TRIM26: variants seen among roughly 807,000 people sequenced by gnomAD.
The protein encoded by TRIM26 is tripartite motif containing 26, also known as tripartite motif-containing protein 26.
Under a neutral mutation model 45.5 loss-of-function variants are expected in TRIM26, and 16 were observed. The ratio of observed to expected loss-of-function variants is 0.35; its 90% CI spans 0.24 to 0.53. The LOEUF is 0.53. Among genes scored for constraint, TRIM26 ranks in the 20% least tolerant of loss-of-function variants. The pLI, the probability that TRIM26 is intolerant of heterozygous loss-of-function variation, is 0.92. For missense variants in TRIM26, 442 were observed against 691.1 expected (o/e 0.64, Z 4.04); for synonymous variants, 273 against 290.4 (o/e 0.94, Z 0.61).
Position 30,196,413 on chromosome 6 carries a change from G to A in TRIM26, c.765+103C>T. ...GGATTATCATCTCCATGTTTCAGATGACAAAACTGAGCCCCCAAGTCTTCT... is the reference window on the plus strand; with the variant it reads ...GGATTATCATCTCCATGTTTCAGATAACAAAACTGAGCCCCCAAGTCTTCT... On this transcript the variant is annotated intron_variant, in intron 6 of 9. Coordinates refer to ENST00000454678, the MANE Select transcript of TRIM26 (RefSeq NM_003449.5). The surrounding 1 kb of genome is among the most constrained non-coding windows in gnomAD (Gnocchi z 4.9). 8.9e-7 allele frequency: 1 copy of A among 1,126,468 alleles called. No homozygotes were observed. Among genetic ancestry groups the A allele is most frequent in the South Asian group, 1.4e-5 (1 of 69,254 alleles). 69.8% of individuals were successfully genotyped at this position (1,126,468 alleles called of 1,614,324 possible).
intron 1 of TRIM26, among the ~76,000 whole-genome samples, chr6:30,206,493 G>T (rs1433889437): frequency 6.6e-6 from 1 of 152,282 alleles, no homozygotes; most frequent in Non-Finnish European, 1.5e-5. Flanking sequence ...GCGTTAAATT[G>T]CCCTGGTCTT....
rs139037559 is a variant in TRIM26 at position 30,191,360 on chromosome 6, T to C, written c.766-1325A>G. ...ACTCATTCCACAAATATTTATTAAG[T>C]GCTTCCTAGGTACCAGGCACTCATC... On this transcript the variant is annotated intron_variant, in intron 6 of 9. Transcript: ENST00000454678. Among the ~76,000 whole-genome samples, 649 of 147,156 alleles carry C rather than the reference T, an allele frequency of 4.4e-3. 2 individuals are homozygous for C. Among genetic ancestry groups the C allele is most frequent in the African/African-American group, 0.011 (454 of 39,602 alleles).
chr6:30,210,799 C>A (rs972255183), intron 1 of TRIM26, among the ~76,000 whole-genome samples: 1 of 152,044 alleles, frequency 6.6e-6, no homozygotes, highest in Admixed American at 6.6e-5. Context: ...CTGTACTTAC[C>A]CTTCTTGTGA....
Position 30,196,113 on chromosome 6 carries a change from G to C in TRIM26, c.765+403C>G, listed in dbSNP as rs1160528161. 6.6e-6 allele frequency among the ~76,000 whole-genome samples: 1 copy of C among 152,152 alleles called. No individual in the cohort carries two copies. The highest frequency in any genetic ancestry group is 1.5e-5 in the Non-Finnish European group (1 of 68,040). ...ATCCTCTGGGTCTTTGAGAGGAGCT[G>C]CTGGTCAGCCCTCCCTCAGCCACCC... On this transcript the variant is annotated intron_variant, in intron 6 of 9. Transcript: ENST00000454678. This position sits in a 1 kb window ranked among gnomAD's most constrained non-coding sequence, Gnocchi z 4.9.
chr6:30,189,310 C>T lies in TRIM26; in HGVS notation c.904+108G>A, dbSNP rs1775558823. 2 of 1,573,564 alleles carry T rather than the reference C, an allele frequency of 1.3e-6. No homozygotes were observed. Among genetic ancestry groups the T allele is most frequent in the African/African-American group, 1.4e-5 (1 of 74,032 alleles). ...GGGATCCATGTCTAAGACAAGAGGC[C>T]CTCAGAAGAGTGAGGATCGACAAGG... is the stretch of plus-strand genomic sequence containing the variant. On this transcript the variant is annotated intron_variant, in intron 8 of 9. Coordinates refer to ENST00000454678, the MANE Select transcript of TRIM26 (RefSeq NM_003449.5). This position sits in a 1 kb window ranked among gnomAD's most constrained non-coding sequence, Gnocchi z 5.0.
Position 30,208,916 on chromosome 6 carries a change from G to C in TRIM26, c.-375-4151C>G, listed in dbSNP as rs996174793. Among the ~76,000 whole-genome samples, 153 of 136,076 alleles carry C rather than the reference G, an allele frequency of 1.1e-3. 1 individual carries two copies. The East Asian group carries it at 0.012, about 11-fold the overall frequency. The allele number at this position is 136,076 out of a possible 152,430, so 89.3% of individuals were successfully genotyped here. ...TGGGATATAGAATATGTGTGTGTGT[G>C]TGTGTGTGTGTGTGTGTGTGTGTGT... On this transcript the variant is annotated intron_variant, in intron 1 of 9. Transcript: ENST00000454678.
In TRIM26 at chr6:30,189,275, T is replaced by C; in HGVS notation, c.905-76A>G. 1 of 1,603,142 alleles carries C rather than the reference T, an allele frequency of 6.2e-7. No individual in the cohort carries two copies. The highest frequency in any genetic ancestry group is 1.1e-5 in the South Asian group (1 of 90,872). On this transcript the variant is annotated intron_variant, in intron 8 of 9. Transcript: ENST00000454678. This position sits in a 1 kb window ranked among gnomAD's most constrained non-coding sequence, Gnocchi z 5.0. The stretch of plus-strand genomic sequence containing the variant: ...CCATTTCTTGCTCGGGCAGTATCAA[T>C]TTCCTGATAGGGATCCATGTCTAAG...
At chr6:30,188,593 G>T in intron 9 of TRIM26, 1 of 232,476 alleles carries the variant, frequency 4.3e-6, no homozygotes, top group South Asian at 8.0e-5. Context: ...AAGCTCTCAG[G>T]GCCTCGTTTG....
rs144280749 is a variant in TRIM26, at chr6:30,206,216, T to C, written c.-375-1451A>G. On this transcript the variant is annotated intron_variant, in intron 1 of 9. Coordinates refer to ENST00000454678, the MANE Select transcript of TRIM26 (RefSeq NM_003449.5). The stretch of plus-strand genomic sequence containing the variant: ...AGAATTCGGGGCAAAAAGCAAGTGA[T>C]CTGGATGTGCATACTAGGAGTGACT... Among the ~76,000 whole-genome samples, 677 of 152,352 alleles carry C rather than the reference T, an allele frequency of 4.4e-3. 2 individuals are homozygous for C. Among genetic ancestry groups the C allele is most frequent in the African/African-American group, 0.011 (477 of 41,586 alleles).
chr6:30,192,244 G>A (rs1264996446), intron 6 of TRIM26, among the ~76,000 whole-genome samples: 1 of 152,210 alleles, frequency 6.6e-6, no homozygotes, highest in African/African-American at 2.4e-5. Flanking sequence ...ATGAGTCATG[G>A]CAAGCTCCCG....
intron 2 of TRIM26, among the ~76,000 whole-genome samples, chr6:30,202,426 G>A (rs1194308564): frequency 1.3e-5 from 2 of 152,182 alleles, no homozygotes; most frequent in African/African-American, 4.8e-5. Flanking sequence ...AAACTATTAG[G>A]TGAAAAGTTT....
rs747639061 is a variant in TRIM26, at chr6:30,198,528, T to A, written c.439-4A>T. The A allele has an allele frequency of 6.2e-7, 1 of 1,612,856 alleles. No individual in the cohort carries two copies. Among genetic ancestry groups the A allele is most frequent in the Non-Finnish European group, 8.5e-7 (1 of 1,179,936 alleles). On this transcript the variant is annotated splice_polypyrimidine_tract_variant and splice_region_variant and intron_variant, in intron 4 of 9. Coordinates refer to ENST00000454678, the MANE Select transcript of TRIM26 (RefSeq NM_003449.5). The surrounding 1 kb of genome is among the most constrained non-coding windows in gnomAD (Gnocchi z 6.3). ...TCAGGTGGTTCAGGATTTTTTCCTG[T>A]GGAAAAACAAGCAGTGGCAACAGGT...
chr6:30,206,928 G>A (rs937995824), intron 1 of TRIM26, among the ~76,000 whole-genome samples: 62 of 152,202 alleles, frequency 4.1e-4, no homozygotes, highest in Admixed American at 3.9e-3. Flanking sequence ...GCACTAGCAC[G>A]AGGTGGGGTG....
Position 30,186,951 on chromosome 6 carries a change from G to A in TRIM26, c.938-393C>T, listed in dbSNP as rs771002859. 2.0e-6 allele frequency: 1 copy of A among 498,630 alleles called. No homozygotes were observed. The highest frequency in any genetic ancestry group is 3.7e-6 in the Non-Finnish European group (1 of 272,904). 30.9% of individuals were successfully genotyped at this position (498,630 alleles called of 1,614,324 possible). On this transcript the variant is annotated intron_variant, in intron 9 of 9. Coordinates refer to ENST00000454678, the MANE Select transcript of TRIM26 (RefSeq NM_003449.5). This position sits in a 1 kb window ranked among gnomAD's most constrained non-coding sequence, Gnocchi z 7.4. ...ATTTTCTTCATAATCCAGAAAAAAA[G>A]TCCTCTTTTTCAAGTAACTCTTGAT...
At position 30,189,245 on chromosome 6, in the gene TRIM26, T is replaced by G; in HGVS notation, c.905-46A>C. The G allele has an allele frequency of 6.2e-7, 1 of 1,612,784 alleles. No individual in the cohort carries two copies. The highest frequency in any genetic ancestry group is 1.7e-4 in the Middle Eastern group (1 of 6,058). On this transcript the variant is annotated intron_variant, in intron 8 of 9. Transcript: ENST00000454678. The surrounding 1 kb of genome is among the most constrained non-coding windows in gnomAD (Gnocchi z 5.0). ...CAATGACTCAAGTCCCGAAAATTTATGAGCCCATTTCTTGCTCGGGCAGTA... is the reference window on the plus strand; with the variant it reads ...CAATGACTCAAGTCCCGAAAATTTAGGAGCCCATTTCTTGCTCGGGCAGTA...
chr6:30,199,379 G>A (rs1239796148), intron 3 of TRIM26, 115 bp from the exon 4 acceptor site: 3 of 407,874 alleles, frequency 7.4e-6, no homozygotes, highest in East Asian at 3.6e-5. Flanking sequence ...AGAGTGAAGA[G>A]CAGGACAGCC....
intron 9 of TRIM26, among the ~76,000 whole-genome samples, chr6:30,188,793 G>A (rs1252026737): frequency 6.6e-6 from 1 of 152,118 alleles, no homozygotes; most frequent in African/African-American, 2.4e-5. Context: ...CAATAGTGGG[G>A]CCTGTGGTGG....
intron 6 of TRIM26, among the ~76,000 whole-genome samples, chr6:30,192,700 C>T (rs1462627906): frequency 6.6e-6 from 1 of 152,062 alleles, no homozygotes; most frequent in Non-Finnish European, 1.5e-5. Flanking sequence ...CTCTATCAGA[C>T]TTCTGGACCC....
rs1775563347 is a variant in TRIM26, at chr6:30,189,337, G to A, written c.904+81C>T. ...TCAGAAGAGTGAGGATCGACAAGGT[G>A]ATGGAAAGGAGCTGGGTGCGCTCTT... On this transcript the variant is annotated intron_variant, in intron 8 of 9. Transcript: ENST00000454678. The surrounding 1 kb of genome is among the most constrained non-coding windows in gnomAD (Gnocchi z 5.0). 1 of 1,566,212 alleles carries A rather than the reference G, an allele frequency of 6.4e-7. No individual in the cohort carries two copies.
Sources: allele counts gnomAD v4.1 joint callset (sites outside exome capture counted in the v4.1 genomes callset), GRCh38; gene constraint gnomAD v4.1.1; non-coding constraint Gnocchi (gnomAD v3.1); transcripts MANE v1.5; gene names NCBI Gene and HGNC (gene_info 2026-07-23, HGNC 2026-07-21).